Variants in DCAF5 observed in about 807,000 individuals in gnomAD.
DCAF5 encodes the protein DDB1 and CUL4 associated factor 5.
In DCAF5, 9 loss-of-function variants were observed where a neutral mutation model predicts 80.7. The ratio of observed to expected loss-of-function variants is 0.11; its 90% CI spans 0.07 to 0.19. The LOEUF (loss-of-function observed/expected upper bound fraction) is 0.19. Ranked by LOEUF, DCAF5 falls within the 10% of genes least tolerant of loss-of-function variation. The pLI is 1.00. For synonymous variants in DCAF5, 433 were observed against 461.9 expected (o/e 0.94, Z 0.80); for missense variants, 842 against 1,205.7 (o/e 0.70, Z 4.47).
rs762080413 is a variant in DCAF5, at chr14:69,119,205, A to G, written c.384T>C (p.His128=). 3.1e-6 allele frequency: 5 copies of G among 1,613,346 alleles called. No individual in the cohort carries two copies. The highest frequency in any genetic ancestry group is 8.5e-7 in the Non-Finnish European group (1 of 1,179,786). ...SGGNDEQVIL[H]DVESSETLDV... The stretch of plus-strand genomic sequence containing the variant: ...ACCAATCTATTTACCTTTCAACATC[A>G]TGGAGGATAACTTGCTCATCATTGC... Residue 128 remains histidine (H), a synonymous_variant, in exon 3 of 9, where the codon CAT becomes CAC. Coordinates refer to ENST00000341516, the MANE Select transcript of DCAF5 (RefSeq NM_003861.3).
Position 69,059,319 on chromosome 14 carries a change from C to G in DCAF5, c.1074+3065G>C, listed in dbSNP as rs115458220. ...CTGACAATAGGGACTCTTCTCCTAG[C>G]CAGGAAGGTGGCAGTAAAGGACAAG... is the stretch of plus-strand genomic sequence containing the variant. On this transcript the variant is annotated intron_variant, in intron 8 of 8. Transcript: ENST00000341516. 1.6e-3 allele frequency among the ~76,000 whole-genome samples: 239 copies of G among 152,142 alleles called. 1 individual carries two copies. The highest frequency in any genetic ancestry group is 5.6e-3 in the African/African-American group (234 of 41,472).
rs1188787259 is a variant in DCAF5, at chr14:69,091,902, G to A, written c.666-15C>T. 2 of 1,600,182 alleles carry A rather than the reference G, an allele frequency of 1.2e-6. No homozygotes were observed. The highest frequency in any genetic ancestry group is 8.5e-7 in the Non-Finnish European group (1 of 1,171,492). ...GCAGGAGAGAACTGGAAGGCACAAG[G>A]CACAGGAATCAGGCATGAGATAGGC... On this transcript the variant is annotated splice_polypyrimidine_tract_variant and intron_variant, in intron 5 of 8. Coordinates refer to ENST00000341516, the MANE Select transcript of DCAF5 (RefSeq NM_003861.3).
At chr14:69,097,554 C>A (rs2039768790) in intron 5 of DCAF5, among the ~76,000 whole-genome samples, 1 of 150,596 alleles carries the variant, frequency 6.6e-6, no homozygotes, top group Non-Finnish European at 1.5e-5. Flanking sequence ...AAATTGATTT[C>A]ATCACCCACT....
At chr14:69,140,486 A>G (rs1360184936) in intron 1 of DCAF5, among the ~76,000 whole-genome samples, 2 of 152,098 alleles carry the variant, frequency 1.3e-5, no homozygotes, top group African/African-American at 4.8e-5. Context: ...TTTACAGATG[A>G]CTGTAACATG....
At chr14:69,085,164 A>C in intron 6 of DCAF5, 2 of 745,702 alleles carry the variant, frequency 2.7e-6, no homozygotes, top group Non-Finnish European at 2.5e-6. Flanking sequence ...CCATTCTCTG[A>C]AACAGATCTT....
chr14:69,097,836 G>A (rs1236900593), intron 5 of DCAF5, among the ~76,000 whole-genome samples: 6 of 151,842 alleles, frequency 4.0e-5, no homozygotes, highest in East Asian at 1.9e-4. Flanking sequence ...TGATCTCCCC[G>A]CCTCAGCCTC....
chr14:69,064,801 C>G (rs1330054799), intron 7 of DCAF5, among the ~76,000 whole-genome samples: 2 of 152,168 alleles, frequency 1.3e-5, no homozygotes, highest in Non-Finnish European at 2.9e-5. Context: ...CTCTTGCATA[C>G]CTAGAACCTG....
At position 69,075,408 on chromosome 14, in the gene DCAF5, T is replaced by C. The variant is rs146918277; in HGVS notation, c.883A>G (p.Ile295Val). The change falls in exon 7 of 9, where the codon ATC (isoleucine) becomes GTC (valine). Residue 295 changes from isoleucine (I) to valine (V), a missense_variant. Ile to Val is a conservative substitution (Grantham distance 29). This residue lies in a region of DCAF5 where 65 missense variants were observed against 191.3 expected (regional missense o/e 0.34). Coordinates refer to ENST00000341516, the MANE Select transcript of DCAF5 (RefSeq NM_003861.3). ...TTGAAGTCATCAGAGCCCGAAAGGA[T>C]ATACTGTTGGAACAAAAAATATATA... ...CCFAGDRDQY[I>V]LSGSDDFNLY... 13 of 1,588,948 alleles carry C rather than the reference T, an allele frequency of 8.2e-6. No individual in the cohort carries two copies. Among genetic ancestry groups the C allele is most frequent in the African/African-American group, 4.0e-5 (3 of 74,630 alleles).
At chr14:69,116,317 G>A in intron 5 of DCAF5, 49 bp downstream of exon 5, 1 of 1,584,168 alleles carries the variant, frequency 6.3e-7, no homozygotes, top group Non-Finnish European at 8.6e-7. Context: ...CATTACCTGA[G>A]AAATGAGGCA....
At chr14:69,091,254 A>T in intron 6 of DCAF5, 1 of 686,566 alleles carries the variant, frequency 1.5e-6, no homozygotes, top group Non-Finnish European at 2.6e-6. Flanking sequence ...CCAAGAGGCC[A>T]TTCAAGATAC....
At chr14:69,120,128 G>C (rs1385909656) in intron 2 of DCAF5, among the ~76,000 whole-genome samples, 2 of 152,016 alleles carry the variant, frequency 1.3e-5, no homozygotes, top group Non-Finnish European at 2.9e-5. Flanking sequence ...CTGTTGTCCA[G>C]GCTGGAGTGC....
chr14:69,053,832 G>C lies in DCAF5; in HGVS notation c.*25C>G. On this transcript the variant is annotated 3_prime_UTR_variant, in exon 9 of 9. Coordinates refer to ENST00000341516, the MANE Select transcript of DCAF5 (RefSeq NM_003861.3). Reference sequence around the variant, plus strand: ...TTTTTTTTGTAAGGCTACTTTTGTAGCTTTTTGTTTTCCCTTTGTATTTAT... The same window carrying C: ...TTTTTTTTGTAAGGCTACTTTTGTACCTTTTTGTTTTCCCTTTGTATTTAT... 1 of 1,556,146 alleles carries C rather than the reference G, an allele frequency of 6.4e-7. No homozygotes were observed. The highest frequency in any genetic ancestry group is 2.3e-5 in the East Asian group (1 of 44,370).
chr14:69,150,701 C>T (rs961030625), intron 1 of DCAF5, among the ~76,000 whole-genome samples: 4 of 146,632 alleles, frequency 2.7e-5, no homozygotes, highest in African/African-American at 1.0e-4. Context: ...GCCTGGGCAA[C>T]ATAGGGAGAC....
chr14:69,144,632 A>C (rs924340978), intron 1 of DCAF5, among the ~76,000 whole-genome samples: 10 of 152,252 alleles, frequency 6.6e-5, no homozygotes, highest in Non-Finnish European at 2.9e-5. Flanking sequence ...TTTAATGAGT[A>C]AATAAACATA....
chr14:69,083,424 A>G (rs1416843732), intron 6 of DCAF5: 2 of 307,678 alleles, frequency 6.5e-6, no homozygotes, highest in South Asian at 3.7e-5. Flanking sequence ...TGAAACTCCT[A>G]CGCAAGAAGA....
chr14:69,137,443 C>CT (rs989200751), intron 1 of DCAF5, among the ~76,000 whole-genome samples: 14 of 151,998 alleles, frequency 9.2e-5, no homozygotes, highest in Admixed American at 7.2e-4. Context: ...TCTGATTATT[C>CT]TTTTTTTTAG....
At chr14:69,114,826 TATAATG>T (rs1486728201) in intron 5 of DCAF5, among the ~76,000 whole-genome samples, 2 of 152,136 alleles carry the variant, frequency 1.3e-5, no homozygotes, top group African/African-American at 4.8e-5. Context: ...GGAGGGCCCA[TATAATG>T]CACGGTAAGA....
At chr14:69,131,851 TCAC>T (rs1373492880) in intron 1 of DCAF5, among the ~76,000 whole-genome samples, 1 of 151,554 alleles carries the variant, frequency 6.6e-6, no homozygotes, top group African/African-American at 2.4e-5. Context: ...TGTGCAACCA[TCAC>T]CACATTTTAT....
chr14:69,069,459 G>C (rs796856914), intron 7 of DCAF5, among the ~76,000 whole-genome samples: 35 of 152,186 alleles, frequency 2.3e-4, no homozygotes, highest in African/African-American at 8.4e-4. Flanking sequence ...AAGGGAGAAG[G>C]CCTTCTTTTT....
Sources: allele counts gnomAD v4.1 joint callset (sites outside exome capture counted in the v4.1 genomes callset), GRCh38; gene constraint gnomAD v4.1.1; regional missense constraint gnomAD v4.1.1; transcripts MANE v1.5; gene names NCBI Gene and HGNC (gene_info 2026-07-23, HGNC 2026-07-21).